The following GABRG2 variants were observed in gnomAD, a reference collection of about 807,000 sequenced individuals.
GABRG2 encodes gamma-aminobutyric acid type A receptor subunit gamma2, also known as gamma-aminobutyric acid receptor subunit gamma-2.
In GABRG2, 16 loss-of-function variants were observed where a neutral mutation model predicts 56.4. The ratio of observed to expected loss-of-function variants is 0.28; its 90% CI spans 0.19 to 0.43. The LOEUF (loss-of-function observed/expected upper bound fraction) is 0.43, where lower values mean the gene tolerates loss of function less well. Ranked by LOEUF, GABRG2 falls within the 20% of genes least tolerant of loss-of-function variation. The probability of loss-of-function intolerance (pLI) is 1.00; values close to 1 mark genes in which losing one functional copy is unlikely to be tolerated. For missense variants in GABRG2, 327 were observed against 582.7 expected, an observed-to-expected ratio of 0.56 and a Z score of 4.52; for synonymous variants, 208 against 205.5, an observed-to-expected ratio of 1.01 and a Z score of -0.10.
Position 162,072,085 on chromosome 5 carries a change from T to G in GABRG2, c.107+3979T>G, listed in dbSNP as rs76894781. Among the ~76,000 whole-genome samples the G allele has an allele frequency of 2.6e-3, 400 of 152,104 alleles. 4 individuals carry two copies. The highest frequency in any genetic ancestry group is 8.4e-3 in the African/African-American group (349 of 41,548). On this transcript the variant is annotated intron_variant, in intron 1 of 9. Transcript: ENST00000639213. ...ATAAATGTCTCTTTCACGTCCTAGA[T>G]TCATTTAGATCAGGTAATTTCCTCA...
chr5:162,105,723 C>T (rs962623676), intron 6 of GABRG2, among the ~76,000 whole-genome samples: 2 of 151,862 alleles, frequency 1.3e-5, no homozygotes, highest in African/African-American at 4.8e-5. Context: ...AGCCACCGCG[C>T]CCGGCCTAGA....
intron 6 of GABRG2, 68 bp from the exon 7 acceptor site, chr5:162,142,096 A>T: frequency 6.6e-7 from 1 of 1,512,520 alleles, no homozygotes; most frequent in Non-Finnish European, 9.2e-7. Context: ...CATTAAATAC[A>T]TGCTTAGTTT....
chr5:162,116,327 A>G (rs1320681395), intron 6 of GABRG2, among the ~76,000 whole-genome samples: 2 of 150,416 alleles, frequency 1.3e-5, no homozygotes, highest in African/African-American at 2.5e-5. Flanking sequence ...GGTCAGCTTA[A>G]TCTAGACAAT....
At chr5:162,106,649 A>G (rs1195806009) in intron 6 of GABRG2, among the ~76,000 whole-genome samples, 2 of 152,150 alleles carry the variant, frequency 1.3e-5, no homozygotes, top group Non-Finnish European at 2.9e-5. Flanking sequence ...CTTGTGGTAA[A>G]TGTATCTCCC....
Position 162,102,606 on chromosome 5 carries a change from C to T in GABRG2, c.632-1283C>T, listed in dbSNP as rs191391831. ...TGTGCAGTGGTGTGATCTCGGCTCA[C>T]TACAGCCTTCGCTTCTGGGGCTCAA... On this transcript the variant is annotated intron_variant, in intron 5 of 9. Transcript: ENST00000639213. The T allele has an allele frequency of 1.2e-4, 56 of 453,494 alleles. 1 individual carries two copies. The highest frequency in any genetic ancestry group is 9.9e-4 in the Admixed American group (42 of 42,526). 28.1% of individuals were successfully genotyped at this position (453,494 alleles called of 1,614,324 possible).
intron 9 of GABRG2, chr5:162,152,421 A>G (rs2113647220): frequency 2.1e-6 from 1 of 467,410 alleles, no homozygotes. Context: ...AAATTTACCA[A>G]CTGGTCTAGC....
chr5:162,102,802 C>T lies in GABRG2; in HGVS notation c.632-1087C>T, dbSNP rs211033. On this transcript the variant is annotated intron_variant, in intron 5 of 9. Coordinates refer to ENST00000639213, the MANE Select transcript of GABRG2 (RefSeq NM_198904.4). ...ACATACTATCATATCTCTCTCCATC[C>T]CCTCCATCCCTTCTAGGGACTCTCT... The T allele has an allele frequency of 0.7, 206,270 of 295,814 alleles. 72,433 individuals carry two copies. Among genetic ancestry groups the T allele is most frequent in the Admixed American group, 0.77 (18,397 of 23,786 alleles). The allele number at this position is 295,814 out of a possible 1,614,324, so 18.3% of individuals were successfully genotyped here.
At chr5:162,081,548 T>C (rs1267436597) in intron 1 of GABRG2, among the ~76,000 whole-genome samples, 2 of 151,996 alleles carry the variant, frequency 1.3e-5, no homozygotes, top group African/African-American at 2.4e-5. Flanking sequence ...TTACTCATCA[T>C]TGAAGATTTT....
chr5:162,115,593 A>G (rs1256904205), intron 6 of GABRG2, among the ~76,000 whole-genome samples: 1 of 152,048 alleles, frequency 6.6e-6, no homozygotes, highest in Non-Finnish European at 1.5e-5. Context: ...GCTAACTGAA[A>G]TTACTGTGAA....
rs1765523856 is a variant in GABRG2 at position 162,153,546 on chromosome 5, G to A, written c.*178G>A. 2 of 779,478 alleles carry A rather than the reference G, an allele frequency of 2.6e-6. No individual in the cohort carries two copies. Among genetic ancestry groups the A allele is most frequent in the East Asian group, 5.1e-5 (2 of 38,952 alleles). 48.3% of individuals were successfully genotyped at this position (779,478 alleles called of 1,614,324 possible). On this transcript the variant is annotated 3_prime_UTR_variant, in exon 10 of 10. Transcript: ENST00000639213. ...TTTGTGCCCAGCCCTCCTTTGGTTA[G>A]TGTACTTTGAACTTCGATGTTTGCT...
chr5:162,100,174 G>T (rs920284592), intron 4 of GABRG2: 1 of 151,958 alleles, frequency 6.6e-6, no homozygotes, highest in South Asian at 2.1e-4. Flanking sequence ...AAATGAGGAA[G>T]CAATTCACTC....
intron 7 of GABRG2, among the ~76,000 whole-genome samples, chr5:162,144,565 A>G (rs974721897): frequency 3.3e-5 from 5 of 152,214 alleles, no homozygotes; most frequent in African/African-American, 1.2e-4. Flanking sequence ...TGTCTTTTCT[A>G]TTCTTCACAA....
At position 162,098,038 on chromosome 5, in the gene GABRG2, A is replaced by G. The variant is rs527449798; in HGVS notation, c.548+180A>G. 1.5e-5 allele frequency: 9 copies of G among 611,684 alleles called. No homozygotes were observed. In the East Asian group the frequency reaches 2.2e-4, roughly 15 times the overall value. The allele number at this position is 611,684 out of a possible 1,614,324, so 37.9% of individuals were successfully genotyped here. A position where few individuals can be genotyped will look rare whatever the true frequency, so the allele number is the denominator to read the frequency against. ...CATTAGTTTTTTCTTTTTGTTATCAATGAGCTTTTTCAAAGCACTAATTAT... is the reference window on the plus strand; with the variant it reads ...CATTAGTTTTTTCTTTTTGTTATCAGTGAGCTTTTTCAAAGCACTAATTAT... On this transcript the variant is annotated intron_variant, in intron 4 of 9. Coordinates refer to ENST00000639213, the MANE Select transcript of GABRG2 (RefSeq NM_198904.4).
intron 1 of GABRG2, among the ~76,000 whole-genome samples, chr5:162,093,014 A>T (rs1760725191): frequency 6.6e-6 from 1 of 152,064 alleles, no homozygotes; most frequent in Non-Finnish European, 1.5e-5. Context: ...CCCCTTCCAG[A>T]GTCATTCTCA....
chr5:162,075,550 A>G (rs1581296542), intron 1 of GABRG2, among the ~76,000 whole-genome samples: 1 of 152,188 alleles, frequency 6.6e-6, no homozygotes, highest in East Asian at 1.9e-4. Context: ...AGAAGCCAGG[A>G]CCCACAACAG....
intron 8 of GABRG2, 49 bp from the exon 9 acceptor site, chr5:162,151,680 CT>C: frequency 6.7e-7 from 1 of 1,495,972 alleles, no homozygotes; most frequent in Non-Finnish European, 9.1e-7. Context: ...TTTTTTTCTC[CT>C]TTTTATTAAA....
intron 4 of GABRG2, chr5:162,099,078 C>G (rs1197887670): frequency 1.3e-5 from 2 of 151,946 alleles, no homozygotes; most frequent in Non-Finnish European, 2.9e-5. Context: ...ATCTTCATAT[C>G]AAATGATTCA....
chr5:162,081,101 C>A (rs892422721), intron 1 of GABRG2, among the ~76,000 whole-genome samples: 2 of 151,878 alleles, frequency 1.3e-5, no homozygotes, highest in African/African-American at 4.8e-5. Flanking sequence ...TGTTATTGAA[C>A]TTAATCTGTG....
At chr5:162,142,523 G>C (rs558957449) in intron 7 of GABRG2, 1 of 521,824 alleles carries the variant, frequency 1.9e-6, no homozygotes, top group East Asian at 3.8e-5. Context: ...TGATAGACTG[G>C]ATTAAGAAAA....
Sources: allele counts gnomAD v4.1 joint callset (sites outside exome capture counted in the v4.1 genomes callset), GRCh38; gene constraint gnomAD v4.1.1; transcripts MANE v1.5; gene names NCBI Gene and HGNC (gene_info 2026-07-23, HGNC 2026-07-21).